The following EXT1 variants were observed in gnomAD, a reference collection of about 807,000 sequenced individuals.
EXT1 encodes exostosin-1.
A neutral mutation model predicts 82.5 loss-of-function variants in EXT1; 20 were observed. That is an observed-to-expected ratio of 0.24 (90% CI 0.17 to 0.35). The LOEUF (loss-of-function observed/expected upper bound fraction) is 0.35, where lower values mean the gene tolerates loss of function less well. Among genes scored for constraint, EXT1 ranks in the 10% least tolerant of loss-of-function variants. The probability of loss-of-function intolerance (pLI) is 1.00; values close to 1 mark genes in which losing one functional copy is unlikely to be tolerated. For missense variants in EXT1, 757 were observed against 936.5 expected, an observed-to-expected ratio of 0.81 and a Z score of 2.50; for synonymous variants, 348 against 350.8, an observed-to-expected ratio of 0.99 and a Z score of 0.09.
intron 1 of EXT1, among the ~76,000 whole-genome samples, chr8:117,867,252 C>T (rs1812789441): frequency 3.0e-5 from 1 of 33,488 alleles, no homozygotes; most frequent in African/African-American, 1.1e-4. Context: ...GAGTGAGACT[C>T]CACCTCAGAA....
At chr8:117,964,913 C>T (rs188778059) in intron 1 of EXT1, among the ~76,000 whole-genome samples, 29 of 152,304 alleles carry the variant, frequency 1.9e-4, no homozygotes, top group African/African-American at 7.0e-4. Flanking sequence ...GCTATGATTA[C>T]AGGCATGAGC....
chr8:117,993,454 G>A (rs774151559), intron 1 of EXT1, among the ~76,000 whole-genome samples: 2 of 152,194 alleles, frequency 1.3e-5, no homozygotes, highest in Non-Finnish European at 2.9e-5. Flanking sequence ...GATGAACAGA[G>A]TCAAACTATA....
intron 1 of EXT1, among the ~76,000 whole-genome samples, chr8:117,860,364 G>A (rs1812660476): frequency 6.6e-6 from 1 of 152,078 alleles, no homozygotes; most frequent in Admixed American, 6.5e-5. Context: ...TGGGAGGGTG[G>A]AAGGGGGATG....
intron 1 of EXT1, among the ~76,000 whole-genome samples, chr8:117,996,063 T>C (rs992380363): frequency 6.6e-6 from 1 of 152,082 alleles, no homozygotes; most frequent in Non-Finnish European, 1.5e-5. Flanking sequence ...GCCCTTGCCT[T>C]TGAATCCAGA....
intron 1 of EXT1, among the ~76,000 whole-genome samples, chr8:117,864,715 C>G (rs1031113417): frequency 2.7e-5 from 4 of 148,790 alleles, no homozygotes; most frequent in Non-Finnish European, 5.9e-5. Flanking sequence ...CGCCACTGCA[C>G]TCCAGCCTGG....
At position 117,876,944 on chromosome 8, in the gene EXT1, G is replaced by GA. The variant is rs572757693; in HGVS notation, c.963-39744dup. Among the ~76,000 whole-genome samples the GA allele has an allele frequency of 5.4e-3, 816 of 152,226 alleles. 6 individuals are homozygous for GA. The highest frequency in any genetic ancestry group is 0.018 in the African/African-American group (768 of 41,538). On this transcript the variant is annotated intron_variant, in intron 1 of 10. Coordinates refer to ENST00000378204, the MANE Select transcript of EXT1 (RefSeq NM_000127.3). ...AGACATTTCAGCTACCAGGCTGTGGGAAAAAAGGATGACATTGAAATAAGA... is the reference window on the plus strand; with the variant it reads ...AGACATTTCAGCTACCAGGCTGTGGGAAAAAAAGGATGACATTGAAATAAGA...
At chr8:117,924,518 G>A (rs1035131237) in intron 1 of EXT1, among the ~76,000 whole-genome samples, 1 of 152,196 alleles carries the variant, frequency 6.6e-6, no homozygotes. Flanking sequence ...ATCAGCAGTT[G>A]CCTGTAATTA....
At chr8:117,883,162 C>T (rs961033293) in intron 1 of EXT1, among the ~76,000 whole-genome samples, 7 of 152,148 alleles carry the variant, frequency 4.6e-5, no homozygotes, top group African/African-American at 1.7e-4. Flanking sequence ...TCTAACCCAG[C>T]TAGCACACCC....
intron 1 of EXT1, among the ~76,000 whole-genome samples, chr8:117,973,617 C>G (rs541642649): frequency 6.6e-6 from 1 of 151,692 alleles, no homozygotes; most frequent in Non-Finnish European, 1.5e-5. Context: ...ATAATTTAAA[C>G]ATTTCCTGGG....
At chr8:118,023,273 A>G (rs1816143929) in intron 1 of EXT1, among the ~76,000 whole-genome samples, 1 of 152,238 alleles carries the variant, frequency 6.6e-6, no homozygotes, top group African/African-American at 2.4e-5. Context: ...TTCAAATACA[A>G]TAACATTACT....
At chr8:117,812,229 T>C (rs1823337666) in intron 8 of EXT1, among the ~76,000 whole-genome samples, 1 of 152,192 alleles carries the variant, frequency 6.6e-6, no homozygotes, top group Admixed American at 6.5e-5. Context: ...TCAATACTCA[T>C]TCGAGTTGTA....
chr8:117,848,258 T>C (rs979475104), intron 1 of EXT1, among the ~76,000 whole-genome samples: 3 of 152,196 alleles, frequency 2.0e-5, no homozygotes, highest in Non-Finnish European at 4.4e-5. Flanking sequence ...CCACATATTA[T>C]TGATTTACAG....
intron 4 of EXT1, 148 bp from the exon 5 acceptor site, chr8:117,822,745 G>T: frequency 1.2e-6 from 1 of 816,232 alleles, no homozygotes; most frequent in Non-Finnish European, 2.0e-6. Context: ...AAAAATGTCT[G>T]CAAGACAGAG....
chr8:117,892,311 C>G (rs1813258449), intron 1 of EXT1, among the ~76,000 whole-genome samples: 1 of 152,200 alleles, frequency 6.6e-6, no homozygotes, highest in South Asian at 2.1e-4. Context: ...GGACAATGCC[C>G]AAAGTCAATG....
chr8:117,993,200 C>A (rs1815470588), intron 1 of EXT1, among the ~76,000 whole-genome samples: 1 of 152,130 alleles, frequency 6.6e-6, no homozygotes, highest in Non-Finnish European at 1.5e-5. Context: ...GAGCTGTGAT[C>A]TGCTCTATTT....
chr8:117,830,462 C>A (rs902161750), intron 3 of EXT1, 113 bp from the exon 4 acceptor site: 7 of 1,144,458 alleles, frequency 6.1e-6, no homozygotes, highest in Admixed American at 2.3e-5. Context: ...TGGCTTCTAG[C>A]ATATAGATCT....
chr8:117,923,847 G>T (rs1416632083), intron 1 of EXT1, among the ~76,000 whole-genome samples: 1 of 152,138 alleles, frequency 6.6e-6, no homozygotes. Context: ...ACCACATTGA[G>T]AACAATTCCA....
intron 9 of EXT1, among the ~76,000 whole-genome samples, chr8:117,805,966 C>A (rs766193714): frequency 6.6e-6 from 1 of 152,194 alleles, no homozygotes; most frequent in Non-Finnish European, 1.5e-5. Flanking sequence ...TTCCCTCATA[C>A]TTGTTCCATC....
At chr8:117,940,263 C>T (rs1270947816) in intron 1 of EXT1, among the ~76,000 whole-genome samples, 3 of 152,260 alleles carry the variant, frequency 2.0e-5, no homozygotes, top group Admixed American at 6.5e-5. Flanking sequence ...TGACATAGGC[C>T]GACTGGTGAG....
Sources: gnomAD v4.1 joint callset for allele counts (sites outside exome capture counted in the v4.1 genomes callset) on GRCh38, gnomAD v4.1.1 for gene constraint, MANE v1.5 for transcripts, NCBI Gene and HGNC (gene_info 2026-07-23, HGNC 2026-07-21) for gene names.